SPATA13: variants seen among roughly 807,000 people sequenced by gnomAD.
SPATA13 encodes spermatogenesis associated 13.
A neutral mutation model predicts 104.0 loss-of-function variants in SPATA13; 50 were observed. The observed-to-expected ratio is 0.48, with a 90% CI of 0.38 to 0.61. SPATA13 has a LOEUF of 0.61. SPATA13 is among the 20% of genes least tolerant of loss of function. The pLI, the probability that SPATA13 is intolerant of heterozygous loss-of-function variation, is 0.00. For missense variants in SPATA13, 1,524 were observed against 1,690.6 expected (o/e 0.90, Z 1.73); for synonymous variants, 606 against 667.5 (o/e 0.91, Z 1.42).
intron 1 of SPATA13, among the ~76,000 whole-genome samples, chr13:24,166,038 G>A (rs550980423): frequency 1.8e-4 from 27 of 152,304 alleles, no homozygotes; most frequent in African/African-American, 4.6e-4. Flanking sequence ...CTTCTGTAAC[G>A]TATAAAAGTC....
chr13:23,981,845 A>G (rs1874917660), intron 1 of SPATA13, among the ~76,000 whole-genome samples: 1 of 152,234 alleles, frequency 6.6e-6, no homozygotes. Context: ...GATCATTCAT[A>G]ATGGTAAGTG....
intron 3 of SPATA13, among the ~76,000 whole-genome samples, chr13:24,031,463 C>G (rs1330102572): frequency 7.2e-5 from 11 of 152,114 alleles, no homozygotes; most frequent in Non-Finnish European, 1.0e-4. Flanking sequence ...TTCCAGATAC[C>G]AAGACAATGG....
chr13:24,117,057 G>T (rs78008132), intron 3 of SPATA13, among the ~76,000 whole-genome samples: 10 of 152,148 alleles, frequency 6.6e-5, no homozygotes, highest in African/African-American at 2.2e-4. Context: ...TTTAAGCCAC[G>T]CAGTCTATGG....
intron 3 of SPATA13, among the ~76,000 whole-genome samples, chr13:24,082,500 T>C (rs561572878): frequency 6.6e-6 from 1 of 152,186 alleles, no homozygotes; most frequent in Non-Finnish European, 1.5e-5. Context: ...TGTGGCCTTT[T>C]CTATACTCAA....
At chr13:24,148,915 T>G (rs1044944886) in intron 3 of SPATA13, among the ~76,000 whole-genome samples, 2 of 134,114 alleles carry the variant, frequency 1.5e-5, no homozygotes, top group South Asian at 4.4e-4. Context: ...TTTCCATGAG[T>G]GTTTGTTTAT....
At position 24,286,835 on chromosome 13, in the gene SPATA13, C is replaced by A; in HGVS notation, c.2552C>A (p.Ala851Asp). 1 of 1,613,648 alleles carries A rather than the reference C, an allele frequency of 6.2e-7. No individual in the cohort carries two copies. Among genetic ancestry groups the A allele is most frequent in the Non-Finnish European group, 8.5e-7 (1 of 1,180,010 alleles). The change falls in exon 7 of 13, where the codon GCC becomes GAC. Residue 851 changes from alanine (A) to aspartate (D), a missense_variant. Physicochemically the swap from Ala to Asp is moderately radical, Grantham distance 126. Transcript: ENST00000382108. This position sits in a 1 kb window ranked among gnomAD's most constrained non-coding sequence, Gnocchi z 4.9. ...CCCAGTGAGGAGCAGGACGAGGAGG[C>A]CAGCCAGAGCCGCCACAGACACTGT... ...STPSEEQDEE[A>D]SQSRHRHCEN...
intron 1 of SPATA13, among the ~76,000 whole-genome samples, chr13:24,169,381 G>A (rs1271508060): frequency 6.6e-6 from 1 of 152,226 alleles, no homozygotes; most frequent in East Asian, 1.9e-4. Context: ...GTAAGCAAAA[G>A]TGGCAGCTTC....
At chr13:24,123,908 T>C in intron 3 of SPATA13, 1 of 615,958 alleles carries the variant, frequency 1.6e-6, no homozygotes, top group Non-Finnish European at 2.9e-6. Context: ...CATTGTTAAT[T>C]CCCTAACTCA....
intron 4 of SPATA13, among the ~76,000 whole-genome samples, chr13:24,276,343 A>G (rs547585679): frequency 4.7e-4 from 71 of 152,382 alleles, no homozygotes; most frequent in Non-Finnish European, 8.7e-4. Context: ...AGGAAGTTCT[A>G]ACACTTGGTA....
intron 4 of SPATA13, chr13:24,278,596 C>G: frequency 7.0e-7 from 1 of 1,430,548 alleles, no homozygotes; most frequent in Non-Finnish European, 9.1e-7. Context: ...CAATTCTATA[C>G]TGTTTTTCAA....
chr13:24,271,754 G>A (rs779112323), intron 4 of SPATA13, among the ~76,000 whole-genome samples: 2 of 152,162 alleles, frequency 1.3e-5, no homozygotes, highest in Admixed American at 6.5e-5. Flanking sequence ...CCAGCGCCTC[G>A]CCTGAAATGA....
At chr13:24,053,212 A>G (rs1003894073) in intron 3 of SPATA13, among the ~76,000 whole-genome samples, 1 of 152,134 alleles carries the variant, frequency 6.6e-6, no homozygotes, top group Non-Finnish European at 1.5e-5. Flanking sequence ...GAATTCAGGA[A>G]AGGTCTTGCA....
intron 12 of SPATA13, among the ~76,000 whole-genome samples, chr13:24,302,232 G>A (rs1877239126): frequency 6.6e-6 from 1 of 152,074 alleles, no homozygotes. Flanking sequence ...CGGAGTACCT[G>A]AACATAACAA....
At chr13:24,189,503 A>G (rs1385906060) in intron 1 of SPATA13, among the ~76,000 whole-genome samples, 1 of 138,746 alleles carries the variant, frequency 7.2e-6, no homozygotes, top group Non-Finnish European at 1.5e-5. Context: ...ACGTGTATAT[A>G]TATATATAAT....
chr13:24,248,090 G>A (rs1270619972), intron 2 of SPATA13, among the ~76,000 whole-genome samples: 3 of 152,168 alleles, frequency 2.0e-5, no homozygotes, highest in Non-Finnish European at 4.4e-5. Flanking sequence ...GGTGGAAGAC[G>A]GAGGGCATGC....
chr13:24,130,117 G>T (rs1881345785), intron 3 of SPATA13, among the ~76,000 whole-genome samples: 1 of 152,196 alleles, frequency 6.6e-6, no homozygotes, highest in Admixed American at 6.5e-5. Flanking sequence ...TCCCTCTTTT[G>T]CAGGGTCTGT....
intron 7 of SPATA13, among the ~76,000 whole-genome samples, chr13:24,287,729 A>AATTTT (rs1344244014): frequency 2.0e-5 from 3 of 152,160 alleles, no homozygotes; most frequent in African/African-American, 7.2e-5. Flanking sequence ...CTTGGCAACA[A>AATTTT]ATTTTATTTT....
chr13:24,084,171 A>G (rs1003376175), intron 3 of SPATA13, among the ~76,000 whole-genome samples: 2 of 152,208 alleles, frequency 1.3e-5, no homozygotes, highest in African/African-American at 4.8e-5. Context: ...ACTTAGCAAC[A>G]AGCGAGACGA....
intron 3 of SPATA13, among the ~76,000 whole-genome samples, chr13:24,133,947 T>C (rs1024117296): frequency 6.6e-6 from 1 of 152,154 alleles, no homozygotes; most frequent in Admixed American, 6.5e-5. Flanking sequence ...CAACGCTTCA[T>C]GTATCCTGTC....
Sources: gnomAD v4.1 joint callset for allele counts (sites outside exome capture counted in the v4.1 genomes callset) on GRCh38, gnomAD v4.1.1 for gene constraint, Gnocchi (gnomAD v3.1) non-coding constraint, MANE v1.5 for transcripts, NCBI Gene and HGNC (gene_info 2026-07-23, HGNC 2026-07-21) for gene names.